The following C12orf56 variants were observed in gnomAD, a reference collection of about 807,000 sequenced individuals.
The protein encoded by C12orf56 is chromosome 12 open reading frame 56.
In C12orf56, 71 loss-of-function variants were observed where a neutral mutation model predicts 69.9. That is an observed-to-expected ratio of 1.02 (90% confidence interval 0.84 to 1.24). The LOEUF (loss-of-function observed/expected upper bound fraction) is 1.24. Ranked by LOEUF, C12orf56 falls within the 50% of genes most tolerant of loss-of-function variation. The pLI is 0.00. For synonymous variants in C12orf56, 276 were observed against 274.1 expected, an observed-to-expected ratio of 1.01 and a Z score of -0.07; for missense variants, 732 against 738.5, an observed-to-expected ratio of 0.99 and a Z score of 0.10.
At chr12:64,296,951 C>T (rs2038374460) in intron 6 of C12orf56, among the ~76,000 whole-genome samples, 1 of 151,280 alleles carries the variant, frequency 6.6e-6, no homozygotes, top group Non-Finnish European at 1.5e-5. Context: ...AAGATGCCAG[C>T]ACCTTGATAC....
chr12:64,332,302 CA>C (rs10680877), intron 2 of C12orf56, among the ~76,000 whole-genome samples: 28 of 100,740 alleles, frequency 2.8e-4, no homozygotes, highest in South Asian at 1.1e-3. Flanking sequence ...GACTCCATCT[CA>C]AAAAAAAAAA....
intron 1 of C12orf56, among the ~76,000 whole-genome samples, chr12:64,353,396 G>A (rs903214245): frequency 1.3e-5 from 2 of 151,736 alleles, no homozygotes; most frequent in African/African-American, 4.8e-5. Context: ...GACCTTAAGT[G>A]ATCGCCCACC....
chr12:64,332,496 C>T (rs1051984258), intron 2 of C12orf56, among the ~76,000 whole-genome samples: 18 of 152,184 alleles, frequency 1.2e-4, no homozygotes, highest in African/African-American at 3.4e-4. Context: ...TCTTCTGTCT[C>T]ACTTCCTCTC....
intron 2 of C12orf56, among the ~76,000 whole-genome samples, chr12:64,334,873 T>C (rs1324620683): frequency 6.6e-6 from 1 of 152,218 alleles, no homozygotes; most frequent in African/African-American, 2.4e-5. Flanking sequence ...TTTCTGTTTT[T>C]CTAGAGCTGC....
chr12:64,303,922 A>G, intron 5 of C12orf56, 143 bp from the exon 6 acceptor site: 2 of 975,706 alleles, frequency 2.0e-6, no homozygotes, highest in South Asian at 1.9e-5. Flanking sequence ...CTTAATACTC[A>G]CCAGTAGTGA....
intron 1 of C12orf56, among the ~76,000 whole-genome samples, chr12:64,357,048 TAA>T (rs930828049): frequency 6.6e-6 from 1 of 151,870 alleles, no homozygotes; most frequent in African/African-American, 2.4e-5. Context: ...AGAAATATAT[TAA>T]AATCTCAGGA....
At chr12:64,277,562 C>G (rs2136753396) in intron 9 of C12orf56, 118 bp downstream of exon 9, 1 of 640,118 alleles carries the variant, frequency 1.6e-6, no homozygotes, top group Non-Finnish European at 2.2e-6. Flanking sequence ...GACAAAAGAT[C>G]TACTCTTTGG....
At chr12:64,293,591 C>A (rs1183872713) in intron 6 of C12orf56, among the ~76,000 whole-genome samples, 1 of 152,294 alleles carries the variant, frequency 6.6e-6, no homozygotes, top group South Asian at 2.1e-4. Flanking sequence ...TTCAACAGTG[C>A]TTAGCACATA....
intron 3 of C12orf56, among the ~76,000 whole-genome samples, chr12:64,329,282 C>T (rs2038894354): frequency 6.6e-6 from 1 of 152,002 alleles, no homozygotes; most frequent in African/African-American, 2.4e-5. Context: ...CAGCTGGAAA[C>T]CACGTAGTTT....
Position 64,294,904 on chromosome 12 carries a change from AT to A in C12orf56, c.1113+8730del, listed in dbSNP as rs71092949. Among the ~76,000 whole-genome samples the A allele has an allele frequency of 2.4e-3, 356 of 150,312 alleles. 2 individuals are homozygous for A. Among genetic ancestry groups the A allele is most frequent in the Non-Finnish European group, 3.8e-3 (258 of 67,508 alleles). On this transcript the variant is annotated intron_variant, in intron 6 of 12. Transcript: ENST00000543942. ...AAAAAAATCATATGAAGAAAAAAAA[AT>A]TTTTTTTTTTTTTGAGATGGAGTCT...
At chr12:64,280,496 G>C (rs1193673620) in intron 8 of C12orf56, among the ~76,000 whole-genome samples, 1 of 152,088 alleles carries the variant, frequency 6.6e-6, no homozygotes, top group Non-Finnish European at 1.5e-5. Context: ...CCAGCCTGCT[G>C]GTACAAACCC....
intron 11 of C12orf56, among the ~76,000 whole-genome samples, chr12:64,271,140 G>A (rs2037984879): frequency 6.6e-6 from 1 of 151,876 alleles, no homozygotes; most frequent in Non-Finnish European, 1.5e-5. Flanking sequence ...ACTCCAGCCT[G>A]GGCAACAGAG....
At chr12:64,329,869 T>G (rs868865452) in intron 3 of C12orf56, among the ~76,000 whole-genome samples, 2 of 152,030 alleles carry the variant, frequency 1.3e-5, no homozygotes, top group South Asian at 2.1e-4. Context: ...TCATTTTTTA[T>G]GGCTGCATAG....
chr12:64,280,198 T>C (rs4522269), intron 8 of C12orf56, among the ~76,000 whole-genome samples: 150,101 of 152,296 alleles, frequency 0.99, 74,005 homozygotes, highest in Middle Eastern at 1. Context: ...CCCCTTCTGC[T>C]AATTCAATTT....
intron 3 of C12orf56, among the ~76,000 whole-genome samples, chr12:64,324,115 G>A (rs1350889898): frequency 6.6e-6 from 1 of 152,202 alleles, no homozygotes; most frequent in East Asian, 1.9e-4. Flanking sequence ...TTATTACATG[G>A]ATTTAGAGCA....
At chr12:64,313,221 C>G (rs1486253089) in intron 4 of C12orf56, among the ~76,000 whole-genome samples, 3 of 131,824 alleles carry the variant, frequency 2.3e-5, no homozygotes, top group African/African-American at 2.9e-5. Flanking sequence ...GAGATCACAC[C>G]ACTGCATTCC....
At chr12:64,388,560 C>T (rs1262142247) in intron 1 of C12orf56, among the ~76,000 whole-genome samples, 2 of 152,114 alleles carry the variant, frequency 1.3e-5, no homozygotes, top group South Asian at 2.1e-4. Context: ...TTAAAAAACA[C>T]TTAGTAAAGG....
intron 1 of C12orf56, chr12:64,389,404 G>A (rs555066160): frequency 6.6e-6 from 1 of 152,392 alleles, no homozygotes; most frequent in Admixed American, 6.5e-5. Context: ...CCTGCGCCCA[G>A]TTTGGATCAA....
intron 9 of C12orf56, among the ~76,000 whole-genome samples, chr12:64,276,617 G>A (rs1451319790): frequency 6.6e-6 from 1 of 152,082 alleles, no homozygotes; most frequent in East Asian, 1.9e-4. Context: ...AACTAATGAA[G>A]GCAGGGGTCG....
Sources: allele counts gnomAD v4.1 joint callset (sites outside exome capture counted in the v4.1 genomes callset), GRCh38; gene constraint gnomAD v4.1.1; transcripts MANE v1.5; gene names NCBI Gene and HGNC (gene_info 2026-07-23, HGNC 2026-07-21).